Variants in SLC22A2 observed in about 807,000 individuals in gnomAD.
The protein encoded by SLC22A2 is solute carrier family 22 member 2.
In SLC22A2, 46 loss-of-function variants were observed where a neutral mutation model predicts 60.5. The ratio of observed to expected loss-of-function variants is 0.76; its 90% CI spans 0.60 to 0.97. The LOEUF (loss-of-function observed/expected upper bound fraction) is 0.97, where lower values mean the gene tolerates loss of function less well. Ranked by LOEUF, SLC22A2 falls within the 50% of genes least tolerant of loss-of-function variation. The probability of loss-of-function intolerance (pLI) is 0.00; values close to 1 mark genes in which losing one functional copy is unlikely to be tolerated. For synonymous variants in SLC22A2, 303 were observed against 267.0 expected (o/e 1.13, Z -1.31); for missense variants, 701 against 706.6 (o/e 0.99, Z 0.09).
At chr6:160,254,340 C>A (rs557358949) in intron 2 of SLC22A2, among the ~76,000 whole-genome samples, 111 of 151,040 alleles carry the variant, frequency 7.3e-4, no homozygotes, top group African/African-American at 2.6e-3. Flanking sequence ...TTAAAAAAAC[C>A]CTGGGATTGG....
At chr6:160,237,069 A>G (rs1782922465) in intron 9 of SLC22A2, among the ~76,000 whole-genome samples, 2 of 152,220 alleles carry the variant, frequency 1.3e-5, no homozygotes, top group South Asian at 4.1e-4. Context: ...TTCAAGAACA[A>G]TGGTATACCT....
At chr6:160,222,078 C>T (rs1782653169) in intron 10 of SLC22A2, among the ~76,000 whole-genome samples, 2 of 152,108 alleles carry the variant, frequency 1.3e-5, no homozygotes, top group Non-Finnish European at 1.5e-5. Context: ...ATGGAAAGCA[C>T]TGGGTAGAGC....
chr6:160,250,144 G>A (rs370224987), intron 3 of SLC22A2, among the ~76,000 whole-genome samples: 49 of 152,242 alleles, frequency 3.2e-4, no homozygotes, highest in African/African-American at 9.6e-4. Context: ...TGTAAGTTGA[G>A]GATAATTGTA....
At position 160,231,126 on chromosome 6, in the gene SLC22A2, A is replaced by G. The variant is rs1291670757; in HGVS notation, c.1502-6322T>C. Among the ~76,000 whole-genome samples the G allele has an allele frequency of 3.3e-5, 5 of 151,958 alleles. No individual in the cohort carries two copies. The East Asian group carries it at 5.8e-4, about 18-fold the overall frequency. On this transcript the variant is annotated intron_variant, in intron 9 of 10. Transcript: ENST00000366953. ...CCAAGGGCCTATTTCCCTTGCCTCC[A>G]TAACTGTTGTGGGTATTGATGGCCC...
rs8177514 is a variant in SLC22A2 at position 160,247,317 on chromosome 6, G to A, written c.843-19C>T. The A allele has an allele frequency of 5.8e-4, 760 of 1,308,050 alleles. 2 individuals carry two copies. In the African/African-American group the frequency reaches 9.0e-3, roughly 15 times the overall value. 81.0% of individuals were successfully genotyped at this position (1,308,050 alleles called of 1,614,324 possible). A position where few individuals can be genotyped will look rare whatever the true frequency, so the allele number is the denominator to read the frequency against. ...TATGCACCTAGGGTACAAGGTGAGCGGAGGGCAACTCTTACTGAATCCTCC... is the reference window on the plus strand; with the variant it reads ...TATGCACCTAGGGTACAAGGTGAGCAGAGGGCAACTCTTACTGAATCCTCC... On this transcript the variant is annotated intron_variant, in intron 4 of 10. Coordinates refer to ENST00000366953, the MANE Select transcript of SLC22A2 (RefSeq NM_003058.4).
At chr6:160,233,523 C>T (rs979470711) in intron 9 of SLC22A2, among the ~76,000 whole-genome samples, 2 of 151,924 alleles carry the variant, frequency 1.3e-5, no homozygotes, top group Admixed American at 1.3e-4. Flanking sequence ...AGCCCAAAAA[C>T]TCACCAACCA....
At chr6:160,241,340 C>A in intron 9 of SLC22A2, 134 bp downstream of exon 9, 1 of 603,450 alleles carries the variant, frequency 1.7e-6, no homozygotes, top group South Asian at 2.1e-5. Flanking sequence ...AAGCCACAGA[C>A]ACATCATTAC....
At chr6:160,251,061 C>A (rs181972932) in intron 2 of SLC22A2, among the ~76,000 whole-genome samples, 1 of 152,194 alleles carries the variant, frequency 6.6e-6, no homozygotes, top group Admixed American at 6.5e-5. Flanking sequence ...ATGTGAGCTG[C>A]GGCCTTTGCA....
chr6:160,230,077 G>A (rs9457875), intron 9 of SLC22A2, among the ~76,000 whole-genome samples: 46,286 of 151,262 alleles, frequency 0.31, 9,329 homozygotes, highest in African/African-American at 0.56. Context: ...ATCATCACTG[G>A]GTCTTTCCAA....
intron 9 of SLC22A2, among the ~76,000 whole-genome samples, chr6:160,227,970 CA>C (rs1174963248): frequency 1.3e-5 from 2 of 152,158 alleles, no homozygotes; most frequent in Non-Finnish European, 2.9e-5. Context: ...CCTATATGGT[CA>C]AAAAACAGGA....
At chr6:160,241,679 TAAAA>T (rs1159838295) in intron 8 of SLC22A2, 93 bp from the exon 9 acceptor site, 6 of 804,398 alleles carry the variant, frequency 7.5e-6, no homozygotes, top group Non-Finnish European at 1.3e-5. Context: ...CTCAAATAAT[TAAAA>T]TGTTCAAGAG....
At chr6:160,243,275 A>ACCTGGG (rs1244318949) in intron 7 of SLC22A2, among the ~76,000 whole-genome samples, 2 of 152,046 alleles carry the variant, frequency 1.3e-5, no homozygotes, top group African/African-American at 4.8e-5. Flanking sequence ...TAAGACCTTG[A>ACCTGGG]CCTGGGCCTG....
At chr6:160,224,939 T>C in intron 9 of SLC22A2, 135 bp from the exon 10 acceptor site, 1 of 474,230 alleles carries the variant, frequency 2.1e-6, no homozygotes, top group Non-Finnish European at 3.7e-6. Flanking sequence ...TTGCCATCTC[T>C]GACTGCTGTA....
At chr6:160,219,803 T>C (rs1010467216) in intron 10 of SLC22A2, among the ~76,000 whole-genome samples, 2 of 152,216 alleles carry the variant, frequency 1.3e-5, no homozygotes, top group Non-Finnish European at 2.9e-5. Flanking sequence ...AAAGTTACGG[T>C]TACACTATAC....
rs1364137954 is a variant in SLC22A2, at chr6:160,249,670, T to C, written c.674-286A>G. Among the ~76,000 whole-genome samples the C allele has an allele frequency of 3.9e-5, 6 of 152,240 alleles. No individual in the cohort carries two copies. In the East Asian group the frequency reaches 1.2e-3, roughly 29 times the overall value. ...TTTCATGATGCAATTGTATTTCAGA[T>C]ACATGCAAGATTTTGACCTAGAGTA... On this transcript the variant is annotated intron_variant, in intron 3 of 10. Coordinates refer to ENST00000366953, the MANE Select transcript of SLC22A2 (RefSeq NM_003058.4).
At chr6:160,224,944 G>C (rs1782700388) in intron 9 of SLC22A2, 140 bp from the exon 10 acceptor site, 1 of 467,112 alleles carries the variant, frequency 2.1e-6, no homozygotes, top group South Asian at 4.7e-5. Context: ...ATCTCTGACT[G>C]CTGTATTTTC....
chr6:160,244,521 T>C (rs1436939339), intron 6 of SLC22A2: 4 of 152,186 alleles, frequency 2.6e-5, no homozygotes, highest in Non-Finnish European at 5.9e-5. Context: ...ACCAAGTGAG[T>C]ACGGCCTCCC....
chr6:160,241,678 T>C, intron 8 of SLC22A2, 92 bp from the exon 9 acceptor site: 1 of 811,404 alleles, frequency 1.2e-6, no homozygotes, highest in Non-Finnish European at 2.1e-6. Context: ...CCTCAAATAA[T>C]TAAAATGTTC....
In SLC22A2 at chr6:160,223,468, G is replaced by C. The variant is rs148804964; in HGVS notation, c.1601+1237C>G. ...CTATGTTTTGCTTTTTCCCCCATTAGCAATATATCTTGGAGAACTTTCCTT... is the reference window on the plus strand; with the variant it reads ...CTATGTTTTGCTTTTTCCCCCATTACCAATATATCTTGGAGAACTTTCCTT... On this transcript the variant is annotated intron_variant, in intron 10 of 10. Transcript: ENST00000366953. 1.4e-4 allele frequency among the ~76,000 whole-genome samples: 21 copies of C among 152,150 alleles called. No individual in the cohort carries two copies. The East Asian group carries it at 3.9e-3, about 28-fold the overall frequency.
Sources: allele counts gnomAD v4.1 joint callset (sites outside exome capture counted in the v4.1 genomes callset), GRCh38; gene constraint gnomAD v4.1.1; transcripts MANE v1.5; gene names NCBI Gene and HGNC (gene_info 2026-07-23, HGNC 2026-07-21).